The following RNF152 variants were observed in gnomAD, a reference collection of about 807,000 sequenced individuals.
RNF152 encodes ring finger protein 152.
A neutral mutation model predicts 12.7 loss-of-function variants in RNF152; 11 were observed. The observed-to-expected ratio is 0.86, with a 90% confidence interval of 0.54 to 1.43. The LOEUF is 1.43. RNF152 is among the 40% of genes most tolerant of loss of function. RNF152 has a pLI of 0.00. For missense variants in RNF152, 255 were observed against 274.8 expected (o/e 0.93, Z 0.51); for synonymous variants, 113 against 120.3 (o/e 0.94, Z 0.40).
chr18:61,818,485 A>G (rs1455838998), intron 1 of RNF152, among the ~76,000 whole-genome samples: 7 of 152,200 alleles, frequency 4.6e-5, no homozygotes, highest in African/African-American at 1.4e-4. Context: ...AGACAAAAAT[A>G]ACCACTGTTA....
rs551765732 is a variant in RNF152, at chr18:61,889,833, C to T, written c.-136+2962G>A. On this transcript the variant is annotated intron_variant, in intron 1 of 1. Coordinates refer to ENST00000312828, the MANE Select transcript of RNF152 (RefSeq NM_173557.3). ...TCTACCCTGGGCGGTTCCAAACAAA[C>T]TCAGGAAGCCTTAAACAAGAGGCAG... Among the ~76,000 whole-genome samples the T allele has an allele frequency of 3.2e-4, 48 of 152,252 alleles. 2 individuals carry two copies. The South Asian group carries it at 9.3e-3, about 30-fold the overall frequency.
intron 1 of RNF152, among the ~76,000 whole-genome samples, chr18:61,844,077 GGAAAGAAAGAAAGAAAGAAAGAAAGAAA>G (rs35978592): frequency 4.2e-4 from 29 of 68,500 alleles, no homozygotes; most frequent in African/African-American, 1.0e-3. Context: ...CAGAAAGAAA[GGAAAGAAAGAAAGAAAGAAAGAAAGAAA>G]GAAAGAAAGA....
intron 1 of RNF152, among the ~76,000 whole-genome samples, chr18:61,892,208 G>T (rs1260087470): frequency 6.6e-6 from 1 of 152,164 alleles, no homozygotes; most frequent in Non-Finnish European, 1.5e-5. Flanking sequence ...CTTCACTCAA[G>T]CTGTTTTCTC....
At chr18:61,872,218 G>C (rs1469004352) in intron 1 of RNF152, among the ~76,000 whole-genome samples, 1 of 152,132 alleles carries the variant, frequency 6.6e-6, no homozygotes, top group East Asian at 1.9e-4. Flanking sequence ...AAAGGATAGT[G>C]CTAAACCATC....
intron 1 of RNF152, among the ~76,000 whole-genome samples, chr18:61,843,900 G>A (rs1333598199): frequency 6.6e-6 from 1 of 151,886 alleles, no homozygotes; most frequent in Non-Finnish European, 1.5e-5. Context: ...ACAACATTGT[G>A]AATGTATTTA....
intron 1 of RNF152, among the ~76,000 whole-genome samples, chr18:61,840,121 A>G (rs2067298752): frequency 6.6e-6 from 1 of 152,032 alleles, no homozygotes; most frequent in South Asian, 2.1e-4. Flanking sequence ...GGCCCAAGGG[A>G]GCTTATTTGC....
At chr18:61,871,707 C>G (rs9965497) in intron 1 of RNF152, among the ~76,000 whole-genome samples, 111,836 of 152,096 alleles carry the variant, frequency 0.74, 41,375 homozygotes, top group East Asian at 0.82. Flanking sequence ...GGGCTTTGGA[C>G]CATGAACAGC....
At chr18:61,834,319 C>G (rs544277934) in intron 1 of RNF152, among the ~76,000 whole-genome samples, 1 of 152,318 alleles carries the variant, frequency 6.6e-6, no homozygotes, top group South Asian at 2.1e-4. Flanking sequence ...TGCTTTCAGC[C>G]CAAATGTCTA....
chr18:61,855,962 C>G (rs1410457388), intron 1 of RNF152, among the ~76,000 whole-genome samples: 2 of 152,104 alleles, frequency 1.3e-5, no homozygotes, highest in Non-Finnish European at 2.9e-5. Flanking sequence ...TTAATCTGAC[C>G]ACGCCATGTT....
At chr18:61,851,400 G>C (rs550434286) in intron 1 of RNF152, among the ~76,000 whole-genome samples, 18 of 152,286 alleles carry the variant, frequency 1.2e-4, no homozygotes, top group East Asian at 1.2e-3. Flanking sequence ...ACGGAAAAGA[G>C]GAGAAAACAC....
intron 1 of RNF152, chr18:61,890,504 C>T (rs556150453): frequency 4.6e-5 from 7 of 152,210 alleles, no homozygotes; most frequent in Admixed American, 6.5e-5. Context: ...GCAGGGTCCA[C>T]CTGCCAACCA....
chr18:61,858,105 C>T (rs1163414773), intron 1 of RNF152, among the ~76,000 whole-genome samples: 3 of 152,208 alleles, frequency 2.0e-5, no homozygotes, highest in Non-Finnish European at 2.9e-5. Flanking sequence ...AAACCCTCTA[C>T]CCCAATTTCC....
At chr18:61,858,865 G>C (rs1911338464) in intron 1 of RNF152, among the ~76,000 whole-genome samples, 1 of 152,170 alleles carries the variant, frequency 6.6e-6, no homozygotes, top group South Asian at 2.1e-4. Flanking sequence ...GTTTTAATAG[G>C]AGATGTGCTT....
chr18:61,874,165 A>G (rs1419605990), intron 1 of RNF152, among the ~76,000 whole-genome samples: 1 of 152,224 alleles, frequency 6.6e-6, no homozygotes, highest in African/African-American at 2.4e-5. Flanking sequence ...CTACCCTGAC[A>G]TCTTAGGTAA....
In RNF152 at chr18:61,815,902, G is replaced by A. The variant is rs1909044465; in HGVS notation, c.562C>T (p.His188Tyr). ...VLVFLLGIVL[H>Y]NMSCISKRFT... The stretch of plus-strand genomic sequence containing the variant: ...CGCTTAGAAATGCAAGACATGTTGT[G>A]AAGCACGATGCCGAGGAGGAAGACC... The change falls in exon 2 of 2, where the codon CAC becomes TAC. Residue 188 changes from histidine (H) to tyrosine (Y), a missense_variant. His to Tyr is a moderately conservative substitution (Grantham distance 83). Transcript: ENST00000312828. 6.2e-7 allele frequency: 1 copy of A among 1,614,200 alleles called. No homozygotes were observed. Among genetic ancestry groups the A allele is most frequent in the South Asian group, 1.1e-5 (1 of 91,080 alleles).
chr18:61,879,299 C>G (rs8092069), intron 1 of RNF152, among the ~76,000 whole-genome samples: 2,037 of 152,220 alleles, frequency 0.013, 46 homozygotes, highest in African/African-American at 0.046. Context: ...ATTTGCATAG[C>G]ATTTACATTG....
chr18:61,827,201 A>C (rs1909710292), intron 1 of RNF152, among the ~76,000 whole-genome samples: 1 of 152,222 alleles, frequency 6.6e-6, no homozygotes, highest in South Asian at 2.1e-4. Flanking sequence ...AGCAGGCCAC[A>C]AAGTAGCTGA....
intron 1 of RNF152, among the ~76,000 whole-genome samples, chr18:61,853,632 C>T (rs1447429946): frequency 6.6e-6 from 1 of 152,090 alleles, no homozygotes; most frequent in Non-Finnish European, 1.5e-5. Flanking sequence ...GCCTGCATTC[C>T]CCAGCTCATG....
In RNF152 at chr18:61,809,820, G is replaced by A. The variant is rs1912875897; in HGVS notation, c.*6032C>T. On this transcript the variant is annotated 3_prime_UTR_variant, in exon 2 of 2. Transcript: ENST00000312828. ...TCAAGCACCACTACATCATAGGTGA[G>A]ATATATATAGTGGGATACCCCAGGC... The A allele has an allele frequency of 7.5e-6, 1 of 133,178 alleles. No homozygotes were observed. The highest frequency in any genetic ancestry group is 2.4e-4 in the South Asian group (1 of 4,084). The allele number at this position is 133,178 out of a possible 1,614,324, so 8.2% of individuals were successfully genotyped here. A position where few individuals can be genotyped will look rare whatever the true frequency, so the allele number is the denominator to read the frequency against.
Sources: allele counts gnomAD v4.1 joint callset (sites outside exome capture counted in the v4.1 genomes callset), GRCh38; gene constraint gnomAD v4.1.1; transcripts MANE v1.5; gene names NCBI Gene and HGNC (gene_info 2026-07-23, HGNC 2026-07-21).